Variants in LEMD3 observed in about 807,000 individuals in gnomAD.
The protein encoded by LEMD3 is LEM domain containing 3.
LEMD3 carries 33 observed loss-of-function variants against 95.2 expected under a neutral mutation model. The observed-to-expected ratio is 0.35, with a 90% CI of 0.26 to 0.46. LEMD3 has a LOEUF of 0.46. Among genes scored for constraint, LEMD3 ranks in the 20% least tolerant of loss-of-function variants. The pLI, the probability that LEMD3 is intolerant of heterozygous loss-of-function variation, is 1.00. For missense variants in LEMD3, 1,210 were observed against 1,192.8 expected, an observed-to-expected ratio of 1.01 and a Z score of -0.21; for synonymous variants, 525 against 474.6, an observed-to-expected ratio of 1.11 and a Z score of -1.38.
intron 4 of LEMD3, among the ~76,000 whole-genome samples, chr12:65,227,659 A>G (rs1870492013): frequency 6.6e-6 from 1 of 152,082 alleles, no homozygotes; most frequent in African/African-American, 2.4e-5. Context: ...AACTTGTCCA[A>G]CTTGCAGCCC....
chr12:65,206,474 A>G (rs1316087526), intron 1 of LEMD3, among the ~76,000 whole-genome samples: 1 of 152,178 alleles, frequency 6.6e-6, no homozygotes, highest in African/African-American at 2.4e-5. Context: ...ACACCTGGAC[A>G]AGTAGGCACT....
At chr12:65,200,091 G>C (rs1869552381) in intron 1 of LEMD3, among the ~76,000 whole-genome samples, 1 of 151,698 alleles carries the variant, frequency 6.6e-6, no homozygotes, top group Non-Finnish European at 1.5e-5. Flanking sequence ...ATGAGAAATG[G>C]AAAGTACCTT....
intron 1 of LEMD3, among the ~76,000 whole-genome samples, chr12:65,194,895 A>ATT (rs1592438548): frequency 7.1e-6 from 1 of 141,324 alleles, no homozygotes; most frequent in African/African-American, 2.6e-5. Flanking sequence ...ATAAAATTAA[A>ATT]ATAAAATAAT....
intron 10 of LEMD3, among the ~76,000 whole-genome samples, chr12:65,244,285 A>ACACC (rs1555196167): frequency 1.7e-4 from 25 of 144,914 alleles, no homozygotes; most frequent in African/African-American, 6.3e-4. Context: ...ACACACACAC[A>ACACC]CCCCCCCCAC....
intron 4 of LEMD3, among the ~76,000 whole-genome samples, chr12:65,221,833 T>C (rs1870301461): frequency 6.7e-6 from 1 of 150,366 alleles, no homozygotes. Flanking sequence ...CTCCACCTCC[T>C]GGGCTCAAGC....
At chr12:65,197,609 G>C (rs1029590420) in intron 1 of LEMD3, among the ~76,000 whole-genome samples, 4 of 152,044 alleles carry the variant, frequency 2.6e-5, no homozygotes, top group South Asian at 4.1e-4. Context: ...TCTGTTTCCT[G>C]AATGACTTTT....
chr12:65,224,013 C>G (rs1870374077), intron 4 of LEMD3, among the ~76,000 whole-genome samples: 1 of 152,004 alleles, frequency 6.6e-6, no homozygotes, highest in Admixed American at 6.6e-5. Context: ...TTTTATATCT[C>G]TCTTCATCCT....
At chr12:65,181,950 C>T (rs1310014252) in intron 1 of LEMD3, among the ~76,000 whole-genome samples, 5 of 151,010 alleles carry the variant, frequency 3.3e-5, no homozygotes, top group African/African-American at 4.9e-5. Flanking sequence ...GATTTTAAAG[C>T]CTTAGGTGAG....
At chr12:65,227,846 T>C (rs981872788) in intron 4 of LEMD3, among the ~76,000 whole-genome samples, 1 of 151,660 alleles carries the variant, frequency 6.6e-6, no homozygotes, top group Non-Finnish European at 1.5e-5. Flanking sequence ...CACTCCTGGT[T>C]TAGGGTATAA....
intron 4 of LEMD3, among the ~76,000 whole-genome samples, chr12:65,225,789 C>T (rs1316905735): frequency 6.6e-6 from 1 of 152,168 alleles, no homozygotes; most frequent in Non-Finnish European, 1.5e-5. Flanking sequence ...ACCATGTTAG[C>T]CAGGATGGTC....
At chr12:65,216,176 A>AAAATTAAGAGAAG in intron 3 of LEMD3, 133 bp downstream of exon 3, 1 of 583,522 alleles carries the variant, frequency 1.7e-6, no homozygotes. Flanking sequence ...TTCATTACCT[A>AAAATTAAGAGAAG]TACAGAGTGA....
chr12:65,192,640 A>G (rs748132198), intron 1 of LEMD3, among the ~76,000 whole-genome samples: 3 of 152,130 alleles, frequency 2.0e-5, no homozygotes, highest in African/African-American at 7.2e-5. Flanking sequence ...TTGTAAATTT[A>G]ATTTTTAGAA....
Position 65,169,656 on chromosome 12 carries a change from G to A in LEMD3, c.60G>A (p.Gln20=). 6.3e-7 allele frequency: 1 copy of A among 1,585,206 alleles called. No homozygotes were observed. The highest frequency in any genetic ancestry group is 8.6e-7 in the Non-Finnish European group (1 of 1,167,082). ...TCTCGGATGAGGAGCTTTTCTCTCA[G>A]CTCCGCCGTTACGGCCTGTCTCCCG... The part of the protein sequence containing the change: ...QQLSDEELFS[Q]LRRYGLSPGP... Residue 20 remains glutamine, a synonymous_variant, in exon 1 of 13, where the codon CAG becomes CAA. Coordinates refer to ENST00000308330, the MANE Select transcript of LEMD3 (RefSeq NM_014319.5).
chr12:65,186,755 C>T (rs1592434036), intron 1 of LEMD3, among the ~76,000 whole-genome samples: 1 of 148,368 alleles, frequency 6.7e-6, no homozygotes, highest in Non-Finnish European at 1.5e-5. Flanking sequence ...TGATGAAGAA[C>T]CATAGTACAA....
rs140673872 is a variant in LEMD3 at position 65,213,540 on chromosome 12, T to C, written c.1561-2437T>C. Among the ~76,000 whole-genome samples the C allele has an allele frequency of 2.1e-4, 32 of 152,316 alleles. 2 individuals carry two copies. The East Asian group carries it at 5.4e-3, about 26-fold the overall frequency. On this transcript the variant is annotated intron_variant, in intron 2 of 12. Transcript: ENST00000308330. ...GCACCCGGCCTTAAATAAATTTTCA[T>C]TGGAAAGATAATTCTTGTAAAAAAC...
intron 4 of LEMD3, among the ~76,000 whole-genome samples, chr12:65,225,782 A>G (rs936122188): frequency 3.9e-5 from 6 of 152,116 alleles, no homozygotes; most frequent in Admixed American, 2.6e-4. Context: ...GGGTTTCACC[A>G]TGTTAGCCAG....
At chr12:65,180,989 A>AACACACACACACACACACACACACAC (rs71096029) in intron 1 of LEMD3, among the ~76,000 whole-genome samples, 33 of 149,282 alleles carry the variant, frequency 2.2e-4, no homozygotes, top group African/African-American at 8.2e-4. Context: ...TATGTACACA[A>AACACACACACACACACACACACACAC]ACACACACAC....
intron 1 of LEMD3, among the ~76,000 whole-genome samples, chr12:65,173,296 G>C (rs1868613597): frequency 6.6e-6 from 1 of 152,194 alleles, no homozygotes; most frequent in African/African-American, 2.4e-5. Flanking sequence ...TCTCATCAGT[G>C]TTAAGATGAA....
intron 1 of LEMD3, among the ~76,000 whole-genome samples, chr12:65,173,956 C>T (rs979005271): frequency 3.3e-5 from 5 of 152,274 alleles, no homozygotes; most frequent in African/African-American, 1.2e-4. Context: ...TATATATACA[C>T]ACACATACAT....
Sources: gnomAD v4.1 joint callset for allele counts (sites outside exome capture counted in the v4.1 genomes callset) on GRCh38, gnomAD v4.1.1 for gene constraint, MANE v1.5 for transcripts, NCBI Gene and HGNC (gene_info 2026-07-23, HGNC 2026-07-21) for gene names.